The following DIAPH3 variants were observed in gnomAD, a reference collection of about 807,000 sequenced individuals.
DIAPH3 encodes protein diaphanous homolog 3.
In DIAPH3, 117 loss-of-function variants were observed where a neutral mutation model predicts 144.3. That is an observed-to-expected ratio of 0.81 (90% CI 0.70 to 0.95). DIAPH3 has a LOEUF of 0.95. Ranked by LOEUF, DIAPH3 falls within the 40% of genes least tolerant of loss-of-function variation. The pLI, the probability that DIAPH3 is intolerant of heterozygous loss-of-function variation, is 0.00. For synonymous variants in DIAPH3, 519 were observed against 488.9 expected, an observed-to-expected ratio of 1.06 and a Z score of -0.81; for missense variants, 1,421 against 1,412.7, an observed-to-expected ratio of 1.01 and a Z score of -0.09.
Position 59,736,262 on chromosome 13 carries a change from T to C in DIAPH3, c.3319+37927A>G, listed in dbSNP as rs371727618. On this transcript the variant is annotated intron_variant, in intron 27 of 27. Coordinates refer to ENST00000400324, the MANE Select transcript of DIAPH3 (RefSeq NM_001042517.2). ...GTGCTGCAATGAACATACGTGTGTATGTCTTTACAACAGACTGATTTATAT... is the reference window on the plus strand; with the variant it reads ...GTGCTGCAATGAACATACGTGTGTACGTCTTTACAACAGACTGATTTATAT... Among the ~76,000 whole-genome samples, 331 of 152,342 alleles carry C rather than the reference T, an allele frequency of 2.2e-3. 20 individuals are homozygous for C. In the South Asian group the frequency reaches 0.068, roughly 31 times the overall value.
rs574602442 is a variant in DIAPH3, at chr13:59,795,140, C to T, written c.3163+15648G>A. On this transcript the variant is annotated intron_variant, in intron 25 of 27. Transcript: ENST00000400324. Reference sequence around the variant, plus strand: ...GGACAACTGCACAAAGGAGAATGAACGAAAGCTTCAGATTAAGAATGTACG... The same window carrying T: ...GGACAACTGCACAAAGGAGAATGAATGAAAGCTTCAGATTAAGAATGTACG... 5.9e-5 allele frequency among the ~76,000 whole-genome samples: 9 copies of T among 152,190 alleles called. No homozygotes were observed. In the South Asian group the frequency reaches 1.0e-3, roughly 18 times the overall value.
chr13:59,838,939 T>C (rs1409549009), intron 23 of DIAPH3: 2 of 195,914 alleles, frequency 1.0e-5, no homozygotes, highest in South Asian at 8.9e-5. Context: ...TGAAACCCTG[T>C]CTCTACTAAA....
intron 14 of DIAPH3, among the ~76,000 whole-genome samples, chr13:59,979,101 C>A (rs543875604): frequency 3.8e-4 from 58 of 151,648 alleles, no homozygotes; most frequent in African/African-American, 1.4e-3. Context: ...TTTTATGGAG[C>A]AAATAGTATT....
At chr13:59,744,451 C>G (rs1287154338) in intron 27 of DIAPH3, among the ~76,000 whole-genome samples, 3 of 152,184 alleles carry the variant, frequency 2.0e-5, no homozygotes, top group Admixed American at 2.0e-4. Context: ...ACTTGTGGCC[C>G]AGGATGGCTT....
chr13:60,063,992 C>T (rs1316124332), intron 4 of DIAPH3, among the ~76,000 whole-genome samples: 1 of 152,146 alleles, frequency 6.6e-6, no homozygotes, highest in East Asian at 1.9e-4. Context: ...ACTAAATGCA[C>T]TGTCAATGAA....
intron 5 of DIAPH3, among the ~76,000 whole-genome samples, chr13:60,032,719 C>G (rs75591832): frequency 6.6e-6 from 1 of 152,204 alleles, no homozygotes; most frequent in African/African-American, 2.4e-5. Flanking sequence ...TCTGAAATGT[C>G]TTCAAGGTTT....
At chr13:60,026,282 G>A (rs2054366774) in intron 5 of DIAPH3, among the ~76,000 whole-genome samples, 1 of 151,938 alleles carries the variant, frequency 6.6e-6, no homozygotes, top group Admixed American at 6.6e-5. Flanking sequence ...TGGGGAAAGG[G>A]GTACTTTTTC....
chr13:60,096,588 A>G (rs1294542684), intron 3 of DIAPH3, among the ~76,000 whole-genome samples: 1 of 152,174 alleles, frequency 6.6e-6, no homozygotes, highest in East Asian at 1.9e-4. Context: ...GAATCATTGG[A>G]CTGTAAGTCA....
intron 17 of DIAPH3, among the ~76,000 whole-genome samples, chr13:59,925,073 T>C (rs551098509): frequency 6.6e-6 from 1 of 152,184 alleles, no homozygotes; most frequent in South Asian, 2.1e-4. Context: ...AGAGAAACTA[T>C]GGAAAGTAAA....
chr13:59,841,099 C>T (rs142623015), intron 22 of DIAPH3, among the ~76,000 whole-genome samples: 174 of 152,194 alleles, frequency 1.1e-3, no homozygotes, highest in Non-Finnish European at 2.1e-3. Context: ...TTTACTCTTC[C>T]CGTTTCCAAC....
At chr13:59,922,344 G>A (rs1291864928) in intron 18 of DIAPH3, among the ~76,000 whole-genome samples, 1 of 151,958 alleles carries the variant, frequency 6.6e-6, no homozygotes, top group Non-Finnish European at 1.5e-5. Context: ...CCTAGTGTCT[G>A]GAAACCTTTA....
chr13:60,080,001 G>A (rs1054436173), intron 4 of DIAPH3, among the ~76,000 whole-genome samples: 8 of 151,790 alleles, frequency 5.3e-5, no homozygotes, highest in East Asian at 1.9e-4. Flanking sequence ...TTAGTTAACC[G>A]AGTCCTAGAG....
chr13:59,858,659 T>C (rs966161638), intron 22 of DIAPH3, among the ~76,000 whole-genome samples: 1 of 152,170 alleles, frequency 6.6e-6, no homozygotes, highest in South Asian at 2.1e-4. Flanking sequence ...TGAAATAGAT[T>C]ATTGGGAAGT....
intron 27 of DIAPH3, among the ~76,000 whole-genome samples, chr13:59,718,100 G>A (rs1361615981): frequency 6.6e-6 from 1 of 152,076 alleles, no homozygotes; most frequent in African/African-American, 2.4e-5. Context: ...AACCTCTCAT[G>A]GTTGGAATTG....
Position 60,163,590 on chromosome 13 carries a change from C to T in DIAPH3, c.177G>A (p.Lys59=), listed in dbSNP as rs200015614. The T allele has an allele frequency of 3.7e-4, 587 of 1,587,576 alleles. No homozygotes were observed. Among genetic ancestry groups the T allele is most frequent in the Admixed American group, 1.6e-3 (92 of 58,576 alleles). ...CCTAGCTCCAGGCGATACTCACAAACTTGGGGCGCTTCTCCCCAGGCTCCT... is the reference window on the plus strand; with the variant it reads ...CCTAGCTCCAGGCGATACTCACAAATTTGGGGCGCTTCTCCCCAGGCTCCT... ...GPEEPGEKRP[K]FHLNIRTLTD... Residue 59 remains lysine, a synonymous_variant, in exon 1 of 28, where the codon AAG becomes AAA. Transcript: ENST00000400324.
chr13:59,811,556 G>C (rs1054372709), intron 24 of DIAPH3, among the ~76,000 whole-genome samples: 1 of 151,932 alleles, frequency 6.6e-6, no homozygotes, highest in African/African-American at 2.4e-5. Context: ...GGCTAACGTG[G>C]TGCAACTCTG....
chr13:59,796,891 GT>G (rs1039027236), intron 25 of DIAPH3, among the ~76,000 whole-genome samples: 1 of 152,118 alleles, frequency 6.6e-6, no homozygotes, highest in African/African-American at 2.4e-5. Flanking sequence ...TTCTAATAAA[GT>G]TTGTTATTAA....
At chr13:59,910,731 A>G (rs894258729) in intron 20 of DIAPH3, among the ~76,000 whole-genome samples, 3 of 150,168 alleles carry the variant, frequency 2.0e-5, no homozygotes, top group African/African-American at 7.3e-5. Flanking sequence ...TTCTGTCTCA[A>G]GTATTTAAAA....
At chr13:59,912,238 A>G (rs538456340) in intron 19 of DIAPH3, among the ~76,000 whole-genome samples, 46 of 152,318 alleles carry the variant, frequency 3.0e-4, no homozygotes, top group African/African-American at 1.1e-3. Context: ...TCAGGGGGAT[A>G]AAAGAAATCA....
Sources: allele counts gnomAD v4.1 joint callset (sites outside exome capture counted in the v4.1 genomes callset), GRCh38; gene constraint gnomAD v4.1.1; transcripts MANE v1.5; gene names NCBI Gene and HGNC (gene_info 2026-07-23, HGNC 2026-07-21).